The following PTPRD variants were observed in gnomAD, a reference collection of about 807,000 sequenced individuals.
PTPRD encodes receptor-type tyrosine-protein phosphatase delta.
In PTPRD, 34 loss-of-function variants were observed where a neutral mutation model predicts 214.5. The observed-to-expected ratio is 0.16, with a 90% confidence interval of 0.12 to 0.21. The LOEUF is 0.21. PTPRD is among the 10% of genes least tolerant of loss of function. The probability of loss-of-function intolerance (pLI) is 1.00; values close to 1 mark genes in which losing one functional copy is unlikely to be tolerated. For synonymous variants in PTPRD, 1,128 were observed against 845.7 expected (o/e 1.33, Z -5.79); for missense variants, 2,545 against 2,398.7 (o/e 1.06, Z -1.27).
chr9:10,592,515 C>A (rs1197836703), intron 2 of PTPRD, among the ~76,000 whole-genome samples: 2 of 151,856 alleles, frequency 1.3e-5, no homozygotes, highest in African/African-American at 4.8e-5. Context: ...ATAGCCATGT[C>A]AGTTATAGGT....
intron 10 of PTPRD, among the ~76,000 whole-genome samples, chr9:9,123,176 G>A (rs1210857020): frequency 6.6e-6 from 1 of 152,134 alleles, no homozygotes; most frequent in Non-Finnish European, 1.5e-5. Flanking sequence ...ATTTTCATTT[G>A]CGGTTAGATT....
chr9:9,662,464 T>C (rs995556160), intron 7 of PTPRD, among the ~76,000 whole-genome samples: 6 of 151,652 alleles, frequency 4.0e-5, no homozygotes, highest in African/African-American at 1.2e-4. Context: ...TAAGCAATAA[T>C]GTATAGAGAA....
chr9:9,762,722 T>C (rs191063304), intron 6 of PTPRD, among the ~76,000 whole-genome samples: 4 of 152,330 alleles, frequency 2.6e-5, no homozygotes, highest in African/African-American at 7.2e-5. Flanking sequence ...ATTTCTTTCA[T>C]GCAACTCAGA....
chr9:10,221,388 A>G (rs1442950062), intron 3 of PTPRD, among the ~76,000 whole-genome samples: 1 of 152,034 alleles, frequency 6.6e-6, no homozygotes, highest in Non-Finnish European at 1.5e-5. Flanking sequence ...AAAATCTAAA[A>G]AACATGGATT....
intron 34 of PTPRD, among the ~76,000 whole-genome samples, chr9:8,448,881 T>A (rs138095158): frequency 6.6e-6 from 1 of 152,202 alleles, no homozygotes; most frequent in Non-Finnish European, 1.5e-5. Flanking sequence ...TGCAACCACA[T>A]TTTAATCCCA....
intron 14 of PTPRD, among the ~76,000 whole-genome samples, chr9:8,600,516 TGAGAA>T (rs1469368393): frequency 6.6e-6 from 1 of 151,076 alleles, no homozygotes; most frequent in Non-Finnish European, 1.5e-5. Flanking sequence ...TCCTTCTGCT[TGAGAA>T]TAGAAGAGGA....
intron 3 of PTPRD, among the ~76,000 whole-genome samples, chr9:10,078,514 TAAAAAA>T (rs71485315): frequency 1.3e-4 from 10 of 78,762 alleles, no homozygotes; most frequent in Non-Finnish European, 2.0e-4. Flanking sequence ...AGACTCCATC[TAAAAAA>T]AAAAAAAAAA....
At chr9:8,478,910 G>C (rs181789739) in intron 30 of PTPRD, among the ~76,000 whole-genome samples, 1 of 152,146 alleles carries the variant, frequency 6.6e-6, no homozygotes, top group African/African-American at 2.4e-5. Flanking sequence ...ATGACAGCAT[G>C]GTTTCTGTTG....
intron 8 of PTPRD, among the ~76,000 whole-genome samples, chr9:9,544,999 T>A (rs2154276859): frequency 6.6e-6 from 1 of 151,462 alleles, no homozygotes. Context: ...TTTAGAGGAG[T>A]TTTACATTCA....
intron 8 of PTPRD, among the ~76,000 whole-genome samples, chr9:9,532,583 A>T (rs2075718708): frequency 2.0e-5 from 3 of 152,192 alleles, no homozygotes. Flanking sequence ...GGAAAGCTAC[A>T]TGAAAAGGCT....
Position 10,372,836 on chromosome 9 carries a change from C to CATTATTATTATT in PTPRD, c.-599-31831_-599-31820dup, listed in dbSNP as rs6150914. 8.4e-3 allele frequency among the ~76,000 whole-genome samples: 1,226 copies of CATTATTATTATT among 146,592 alleles called. 12 individuals are homozygous for CATTATTATTATT. The highest frequency in any genetic ancestry group is 0.012 in the East Asian group (59 of 5,024). ...AGTATGCAAAATATTTGTTTTTATA[C>CATTATTATTATT]ATTATTATTATTATTATTAATTATT... On this transcript the variant is annotated intron_variant, in intron 2 of 45. Coordinates refer to ENST00000381196, the MANE Select transcript of PTPRD (RefSeq NM_002839.4).
At chr9:8,345,533 C>T (rs1159466205) in intron 39 of PTPRD, among the ~76,000 whole-genome samples, 2 of 151,954 alleles carry the variant, frequency 1.3e-5, no homozygotes, top group Non-Finnish European at 2.9e-5. Flanking sequence ...GTTTTAAGGA[C>T]ACTAGTCAAG....
chr9:8,865,473 T>G (rs1327733683), intron 11 of PTPRD, among the ~76,000 whole-genome samples: 1 of 152,160 alleles, frequency 6.6e-6, no homozygotes, highest in African/African-American at 2.4e-5. Flanking sequence ...GTGCACATCT[T>G]ACATGATACA....
chr9:9,270,477 C>T (rs987591652), intron 9 of PTPRD, among the ~76,000 whole-genome samples: 1 of 151,076 alleles, frequency 6.6e-6, no homozygotes, highest in Admixed American at 6.6e-5. Context: ...TAACAAAGTG[C>T]TGAGGTGGTG....
intron 5 of PTPRD, among the ~76,000 whole-genome samples, chr9:9,925,084 G>A (rs2083803605): frequency 1.3e-5 from 2 of 152,154 alleles, no homozygotes; most frequent in South Asian, 2.1e-4. Context: ...ATTATAACTA[G>A]TATATATTAC....
intron 2 of PTPRD, among the ~76,000 whole-genome samples, chr9:10,597,224 A>G (rs146225029): frequency 0.02 from 3,052 of 151,762 alleles, 46 homozygotes; most frequent in South Asian, 0.063. Flanking sequence ...TCTCTCCAAA[A>G]TATGTTACTT....
intron 9 of PTPRD, among the ~76,000 whole-genome samples, chr9:9,237,851 G>A (rs780888181): frequency 6.6e-6 from 1 of 152,040 alleles, no homozygotes; most frequent in Non-Finnish European, 1.5e-5. Flanking sequence ...TTTTGATGAG[G>A]TTAACAGGGC....
intron 8 of PTPRD, among the ~76,000 whole-genome samples, chr9:9,551,373 T>C (rs1413944824): frequency 3.3e-5 from 5 of 152,002 alleles, no homozygotes; most frequent in South Asian, 2.1e-4. Context: ...ATTCCAGTTA[T>C]CTATTCGAAT....
chr9:9,768,890 A>T (rs983106748), intron 5 of PTPRD, among the ~76,000 whole-genome samples: 1 of 152,200 alleles, frequency 6.6e-6, no homozygotes, highest in Admixed American at 6.5e-5. Context: ...GACAAACTTC[A>T]GTTTGTAACA....
Sources: allele counts gnomAD v4.1 joint callset (sites outside exome capture counted in the v4.1 genomes callset), GRCh38; gene constraint gnomAD v4.1.1; transcripts MANE v1.5; gene names NCBI Gene and HGNC (gene_info 2026-07-23, HGNC 2026-07-21).